The following PDE4D variants were observed in gnomAD, a reference collection of about 807,000 sequenced individuals.
PDE4D encodes 3',5'-cyclic-AMP phosphodiesterase 4D.
A neutral mutation model predicts 87.4 loss-of-function variants in PDE4D; 24 were observed. The observed-to-expected ratio is 0.27, with a 90% CI of 0.20 to 0.39. PDE4D has a LOEUF of 0.39. PDE4D is among the 10% of genes least tolerant of loss of function. The pLI, the probability that PDE4D is intolerant of heterozygous loss-of-function variation, is 1.00. For synonymous variants in PDE4D, 384 were observed against 383.2 expected, an observed-to-expected ratio of 1.00 and a Z score of -0.02; for missense variants, 714 against 1,041.0, an observed-to-expected ratio of 0.69 and a Z score of 4.32.
At chr5:59,047,758 G>A (rs892173156) in intron 5 of PDE4D, among the ~76,000 whole-genome samples, 2 of 152,220 alleles carry the variant, frequency 1.3e-5, no homozygotes, top group African/African-American at 2.4e-5. Context: ...CGGTGTCACG[G>A]TATTTGGAGG....
intron 5 of PDE4D, among the ~76,000 whole-genome samples, chr5:59,159,187 G>A (rs1308636798): frequency 6.6e-6 from 1 of 152,126 alleles, no homozygotes; most frequent in Non-Finnish European, 1.5e-5. Context: ...AGGCTGGAGT[G>A]CTGTGATCAT....
intron 2 of PDE4D, among the ~76,000 whole-genome samples, chr5:59,991,781 A>G (rs1270704278): frequency 2.6e-5 from 4 of 152,210 alleles, no homozygotes; most frequent in Non-Finnish European, 5.9e-5. Flanking sequence ...AAGTTCCTCT[A>G]AGAACAGAAC....
At chr5:59,210,140 C>G (rs1368166870) in intron 2 of PDE4D, among the ~76,000 whole-genome samples, 1 of 152,190 alleles carries the variant, frequency 6.6e-6, no homozygotes, top group Non-Finnish European at 1.5e-5. Flanking sequence ...AATTGATATG[C>G]TTTTGAAATG....
chr5:60,509,207 A>G (rs1460722123), intron 1 of PDE4D, among the ~76,000 whole-genome samples: 1 of 152,204 alleles, frequency 6.6e-6, no homozygotes, highest in Non-Finnish European at 1.5e-5. Context: ...CTATGCTTGG[A>G]AGCCATTTCA....
intron 2 of PDE4D, among the ~76,000 whole-genome samples, chr5:60,009,749 G>A (rs944086489): frequency 8.5e-5 from 13 of 152,106 alleles, no homozygotes; most frequent in African/African-American, 2.6e-4. Context: ...ATCTGTCTTC[G>A]CTGTGGTTGG....
At chr5:59,803,017 C>T (rs575722934) in intron 1 of PDE4D, among the ~76,000 whole-genome samples, 1 of 152,192 alleles carries the variant, frequency 6.6e-6, no homozygotes, top group South Asian at 2.1e-4. Flanking sequence ...ATAATAGATG[C>T]TAATGATTTA....
At chr5:60,136,063 C>T (rs1447002551) in intron 2 of PDE4D, among the ~76,000 whole-genome samples, 1 of 152,172 alleles carries the variant, frequency 6.6e-6, no homozygotes, top group Non-Finnish European at 1.5e-5. Context: ...TGAACTACTG[C>T]TACCTTTCTT....
At chr5:59,645,850 C>CA (rs1416214891) in intron 1 of PDE4D, among the ~76,000 whole-genome samples, 1 of 151,986 alleles carries the variant, frequency 6.6e-6, no homozygotes. Context: ...AAATCACCCC[C>CA]AAAAATTGAG....
intron 1 of PDE4D, among the ~76,000 whole-genome samples, chr5:59,861,326 C>A (rs1487534922): frequency 6.6e-6 from 1 of 152,090 alleles, no homozygotes; most frequent in Non-Finnish European, 1.5e-5. Flanking sequence ...TAATGAGTCA[C>A]CTAATTTATT....
At chr5:60,222,682 G>C (rs1744636063) in intron 1 of PDE4D, among the ~76,000 whole-genome samples, 1 of 152,042 alleles carries the variant, frequency 6.6e-6, no homozygotes. Context: ...TCTCATAAAT[G>C]TATAGTGGTA....
At chr5:60,043,808 T>A (rs1269867466) in intron 2 of PDE4D, among the ~76,000 whole-genome samples, 1 of 152,238 alleles carries the variant, frequency 6.6e-6, no homozygotes, top group Non-Finnish European at 1.5e-5. Context: ...AACATTTATT[T>A]CAAGGCAGGT....
At chr5:59,678,196 G>A (rs530503874) in intron 1 of PDE4D, among the ~76,000 whole-genome samples, 1 of 151,986 alleles carries the variant, frequency 6.6e-6, no homozygotes, top group Non-Finnish European at 1.5e-5. Context: ...TCAAATTCTT[G>A]CTAGATTATT....
At chr5:59,417,854 G>A (rs2547917) in intron 1 of PDE4D, among the ~76,000 whole-genome samples, 23,482 of 152,080 alleles carry the variant, frequency 0.15, 1,964 homozygotes, top group East Asian at 0.2. Context: ...GCAAACATTC[G>A]CCGCTATCTA....
At chr5:60,063,235 G>T (rs192566627) in intron 2 of PDE4D, among the ~76,000 whole-genome samples, 64 of 152,142 alleles carry the variant, frequency 4.2e-4, no homozygotes, top group African/African-American at 1.4e-3. Flanking sequence ...CCTCAATACA[G>T]GAATATATTT....
At chr5:59,733,303 A>G (rs1279421215) in intron 1 of PDE4D, among the ~76,000 whole-genome samples, 2 of 152,178 alleles carry the variant, frequency 1.3e-5, no homozygotes, top group Non-Finnish European at 2.9e-5. Context: ...TTGAGCTGGG[A>G]TACATGCAAA....
chr5:59,176,695 GTTC>G (rs1293150693), intron 5 of PDE4D, among the ~76,000 whole-genome samples: 1 of 152,186 alleles, frequency 6.6e-6, no homozygotes, highest in Non-Finnish European at 1.5e-5. Flanking sequence ...GACTGCTGAA[GTTC>G]TTAACTCTTC....
At chr5:59,924,985 C>A (rs1203595553) in intron 3 of PDE4D, among the ~76,000 whole-genome samples, 2 of 151,812 alleles carry the variant, frequency 1.3e-5, no homozygotes, top group Non-Finnish European at 2.9e-5. Context: ...ACCATCCTGG[C>A]TAACATGGTG....
chr5:59,687,243 C>T (rs1036457642), intron 1 of PDE4D, among the ~76,000 whole-genome samples: 1 of 152,164 alleles, frequency 6.6e-6, no homozygotes, highest in East Asian at 1.9e-4. Flanking sequence ...CAAAGATACT[C>T]CTCGAGAAGA....
At chr5:59,041,007 C>A (rs1759586795) in intron 5 of PDE4D, among the ~76,000 whole-genome samples, 1 of 152,102 alleles carries the variant, frequency 6.6e-6, no homozygotes, top group African/African-American at 2.4e-5. Context: ...ATTTACTGTT[C>A]ACTTTGAGTA....
Sources: gnomAD v4.1 joint callset for allele counts (sites outside exome capture counted in the v4.1 genomes callset) on GRCh38, gnomAD v4.1.1 for gene constraint, MANE v1.5 for transcripts, NCBI Gene and HGNC (gene_info 2026-07-23, HGNC 2026-07-21) for gene names.